Variants in PPFIA2 observed in about 807,000 individuals in gnomAD.
PPFIA2 encodes the protein PPFI scaffold protein A2, also known as liprin-alpha-2.
A neutral mutation model predicts 175.5 loss-of-function variants in PPFIA2; 46 were observed. That is an observed-to-expected ratio of 0.26 (90% CI 0.21 to 0.34). PPFIA2 has a LOEUF of 0.34. Ranked by LOEUF, PPFIA2 falls within the 10% of genes least tolerant of loss-of-function variation. The pLI, the probability that PPFIA2 is intolerant of heterozygous loss-of-function variation, is 1.00. For synonymous variants in PPFIA2, 568 were observed against 511.4 expected (o/e 1.11, Z -1.49); for missense variants, 1,179 against 1,506.1 (o/e 0.78, Z 3.60).
At chr12:81,679,156 T>G (rs774681299) in intron 3 of PPFIA2, among the ~76,000 whole-genome samples, 19 of 151,902 alleles carry the variant, frequency 1.3e-4, no homozygotes, top group Non-Finnish European at 2.4e-4. Context: ...GTAAAATGAC[T>G]AAAATATTAG....
At chr12:81,444,463 ATTAT>A (rs1401557713) in intron 6 of PPFIA2, among the ~76,000 whole-genome samples, 1 of 152,138 alleles carries the variant, frequency 6.6e-6, no homozygotes, top group Non-Finnish European at 1.5e-5. Flanking sequence ...ATATTAAATA[ATTAT>A]TTGATGTCAT....
intron 3 of PPFIA2, chr12:81,687,704 C>A (rs1475916692): frequency 6.6e-6 from 1 of 151,870 alleles, no homozygotes; most frequent in Non-Finnish European, 1.5e-5. Context: ...ATGTTCTTTA[C>A]AGAAAATAAA....
At chr12:81,633,946 C>A (rs2063694801) in intron 4 of PPFIA2, among the ~76,000 whole-genome samples, 1 of 152,046 alleles carries the variant, frequency 6.6e-6, no homozygotes, top group African/African-American at 2.4e-5. Flanking sequence ...CTCTGTCAGA[C>A]AATGCTTTGG....
At chr12:81,724,702 A>G (rs544553314) in intron 3 of PPFIA2, among the ~76,000 whole-genome samples, 7 of 151,118 alleles carry the variant, frequency 4.6e-5, no homozygotes, top group African/African-American at 1.7e-4. Context: ...ATGTATATAT[A>G]CCACATTTTT....
intron 4 of PPFIA2, among the ~76,000 whole-genome samples, chr12:81,667,459 C>T (rs1431933496): frequency 6.6e-6 from 1 of 152,072 alleles, no homozygotes; most frequent in Non-Finnish European, 1.5e-5. Flanking sequence ...ACCATCTCTA[C>T]TTTGGTGCTC....
chr12:81,584,815 A>G (rs1284379761), intron 4 of PPFIA2, among the ~76,000 whole-genome samples: 1 of 131,924 alleles, frequency 7.6e-6, no homozygotes, highest in Non-Finnish European at 1.5e-5. Flanking sequence ...TTTATTATAT[A>G]CAATAAATTT....
In PPFIA2 at chr12:81,411,434, C is replaced by T. The variant is rs186215976; in HGVS notation, c.646-5531G>A. Among the ~76,000 whole-genome samples the T allele has an allele frequency of 7.9e-5, 12 of 152,162 alleles. No individual in the cohort carries two copies. The East Asian group carries it at 1.5e-3, about 20-fold the overall frequency. ...CATTCCTTCTAGGCACTCTCAAACA[C>T]GTTATATTTTCAAGCCAATCTTCTA... is the stretch of plus-strand genomic sequence containing the variant. On this transcript the variant is annotated intron_variant, in intron 7 of 32. Coordinates refer to ENST00000549396, the MANE Select transcript of PPFIA2 (RefSeq NM_003625.5).
At chr12:81,323,642 C>T (rs915291574) in intron 22 of PPFIA2, among the ~76,000 whole-genome samples, 1 of 151,812 alleles carries the variant, frequency 6.6e-6, no homozygotes, top group African/African-American at 2.4e-5. Flanking sequence ...AGGCTGTCAA[C>T]ATTTAATAAT....
intron 2 of PPFIA2, among the ~76,000 whole-genome samples, chr12:81,755,533 C>G (rs1346218571): frequency 6.6e-6 from 1 of 152,140 alleles, no homozygotes; most frequent in African/African-American, 2.4e-5. Context: ...CAAGATTTAA[C>G]AGCTCAATAT....
chr12:81,564,945 G>C (rs1169650715), intron 4 of PPFIA2, among the ~76,000 whole-genome samples: 1 of 152,264 alleles, frequency 6.6e-6, no homozygotes, highest in East Asian at 1.9e-4. Flanking sequence ...TGCAAGGAAA[G>C]GTGCATGCAC....
In PPFIA2 at chr12:81,661,115, G is replaced by A. The variant is rs560703414; in HGVS notation, c.303+15676C>T. Among the ~76,000 whole-genome samples the A allele has an allele frequency of 7.2e-5, 11 of 152,220 alleles. No homozygotes were observed. In the East Asian group the frequency reaches 7.7e-4, roughly 11 times the overall value. ...AACATGCCAAATTGTAAAGACCATC[G>A]AGGCTAGGAAGAAACTGCATCAACT... On this transcript the variant is annotated intron_variant, in intron 4 of 32. Coordinates refer to ENST00000549396, the MANE Select transcript of PPFIA2 (RefSeq NM_003625.5).
chr12:81,659,383 GCAAACGGCACACC>G (rs2068384002), intron 4 of PPFIA2, among the ~76,000 whole-genome samples: 1 of 151,600 alleles, frequency 6.6e-6, no homozygotes, highest in Admixed American at 6.6e-5. Context: ...CACTTTCTTA[GCAAACGGCACACC>G]CAGAGATTAT....
At chr12:81,548,165 A>G (rs1270916075) in intron 4 of PPFIA2, among the ~76,000 whole-genome samples, 1 of 152,176 alleles carries the variant, frequency 6.6e-6, no homozygotes, top group African/African-American at 2.4e-5. Context: ...AGAGTAGGAG[A>G]TAGATCCCAA....
chr12:81,740,732 CA>C (rs1337794012), intron 3 of PPFIA2, among the ~76,000 whole-genome samples: 1 of 151,692 alleles, frequency 6.6e-6, no homozygotes, highest in Admixed American at 6.6e-5. Flanking sequence ...TAAATTTTAG[CA>C]AAAAATCTCA....
intron 4 of PPFIA2, among the ~76,000 whole-genome samples, chr12:81,665,692 C>T (rs2070069070): frequency 6.6e-6 from 1 of 151,978 alleles, no homozygotes; most frequent in African/African-American, 2.4e-5. Context: ...ATCCTGTTTT[C>T]ATCATAATCA....
intron 4 of PPFIA2, among the ~76,000 whole-genome samples, chr12:81,574,887 C>A (rs1174148263): frequency 6.6e-6 from 1 of 151,656 alleles, no homozygotes; most frequent in Non-Finnish European, 1.5e-5. Context: ...AACATGTAAC[C>A]AAAAAGACTT....
At chr12:81,515,956 C>T (rs936420871) in intron 4 of PPFIA2, among the ~76,000 whole-genome samples, 1 of 135,408 alleles carries the variant, frequency 7.4e-6, no homozygotes, top group East Asian at 2.3e-4. Context: ...AGACCTTAAA[C>T]TCCCAGCATG....
intron 4 of PPFIA2, among the ~76,000 whole-genome samples, chr12:81,559,876 T>C (rs1179230733): frequency 6.6e-6 from 1 of 151,866 alleles, no homozygotes; most frequent in Admixed American, 6.6e-5. Context: ...TTGACACACA[T>C]CGTTTCAAAT....
intron 4 of PPFIA2, among the ~76,000 whole-genome samples, chr12:81,546,891 A>T (rs2067084399): frequency 6.6e-6 from 1 of 152,136 alleles, no homozygotes; most frequent in Non-Finnish European, 1.5e-5. Flanking sequence ...AGAAAGTGTG[A>T]GGACCACTGG....
Sources: allele counts gnomAD v4.1 joint callset (sites outside exome capture counted in the v4.1 genomes callset), GRCh38; gene constraint gnomAD v4.1.1; transcripts MANE v1.5; gene names NCBI Gene and HGNC (gene_info 2026-07-23, HGNC 2026-07-21).